AGBL4: variants seen among roughly 807,000 people sequenced by gnomAD.
AGBL4 encodes the protein cytosolic carboxypeptidase 6.
AGBL4 carries 58 observed loss-of-function variants against 66.4 expected under a neutral mutation model. The ratio of observed to expected loss-of-function variants is 0.87; its 90% CI spans 0.71 to 1.09. The LOEUF is 1.09. AGBL4 is among the 50% of genes least tolerant of loss of function. The pLI is 0.00. For synonymous variants in AGBL4, 234 were observed against 222.9 expected, an observed-to-expected ratio of 1.05 and a Z score of -0.44; for missense variants, 579 against 631.0, an observed-to-expected ratio of 0.92 and a Z score of 0.88.
intron 8 of AGBL4, among the ~76,000 whole-genome samples, chr1:48,643,890 C>T (rs1457631488): frequency 6.6e-6 from 1 of 152,140 alleles, no homozygotes; most frequent in Non-Finnish European, 1.5e-5. Context: ...TTCTAGGAGG[C>T]TTCTTGCCTC....
At chr1:49,174,563 A>C (rs774407358) in intron 4 of AGBL4, among the ~76,000 whole-genome samples, 35 of 152,126 alleles carry the variant, frequency 2.3e-4, no homozygotes, top group Non-Finnish European at 2.8e-4. Context: ...TGAAAGAACA[A>C]AATGAAATTG....
Position 48,912,704 on chromosome 1 carries a change from C to G in AGBL4, c.595-45474G>C, listed in dbSNP as rs1406707416. The stretch of plus-strand genomic sequence containing the variant: ...GGCTCTCTCCCCTGTATGTAAGCCC[C>G]TAATGAAACCTCATGTCTTGTTTGC... On this transcript the variant is annotated intron_variant, in intron 5 of 13. Coordinates refer to ENST00000371839, the MANE Select transcript of AGBL4 (RefSeq NM_032785.4). 3.9e-5 allele frequency among the ~76,000 whole-genome samples: 6 copies of G among 152,276 alleles called. No individual in the cohort carries two copies. The East Asian group carries it at 1.2e-3, about 29-fold the overall frequency.
chr1:49,336,930 A>T (rs1301529216), intron 3 of AGBL4, among the ~76,000 whole-genome samples: 1 of 152,198 alleles, frequency 6.6e-6, no homozygotes, highest in African/African-American at 2.4e-5. Flanking sequence ...AGATTCAATA[A>T]CATGTAGAAT....
At position 49,286,476 on chromosome 1, in the gene AGBL4, C is replaced by T. The variant is rs988561384; in HGVS notation, c.283-40612G>A. On this transcript the variant is annotated intron_variant, in intron 3 of 13. Coordinates refer to ENST00000371839, the MANE Select transcript of AGBL4 (RefSeq NM_032785.4). ...ATCTAGAAAACCCCATTGGCTCAGA[C>T]CAAAATCTCCTTAAGCTGATAAGCA... 3.3e-5 allele frequency among the ~76,000 whole-genome samples: 5 copies of T among 152,148 alleles called. No individual in the cohort carries two copies. In the East Asian group the frequency reaches 9.6e-4, roughly 29 times the overall value.
At chr1:48,647,272 GA>G (rs1645853073) in intron 8 of AGBL4, among the ~76,000 whole-genome samples, 1 of 152,142 alleles carries the variant, frequency 6.6e-6, no homozygotes, top group Non-Finnish European at 1.5e-5. Flanking sequence ...ACACTCCCAA[GA>G]AATACTGAGG....
intron 6 of AGBL4, among the ~76,000 whole-genome samples, chr1:48,862,425 C>T (rs1007393981): frequency 6.6e-6 from 1 of 152,152 alleles, no homozygotes; most frequent in Non-Finnish European, 1.5e-5. Context: ...AGGTTCACGC[C>T]ATTCTCCTGC....
At chr1:48,999,997 G>C (rs1661289297) in intron 5 of AGBL4, among the ~76,000 whole-genome samples, 2 of 152,090 alleles carry the variant, frequency 1.3e-5, no homozygotes, top group South Asian at 2.1e-4. Flanking sequence ...TCTTCTTGCT[G>C]TTTGTCTAGG....
At chr1:49,916,748 T>G (rs1651552048) in intron 1 of AGBL4, among the ~76,000 whole-genome samples, 1 of 152,188 alleles carries the variant, frequency 6.6e-6, no homozygotes, top group African/African-American at 2.4e-5. Flanking sequence ...ACAAAGATAC[T>G]CCTTGAGAAG....
rs565841661 is a variant in AGBL4, at chr1:49,103,704, A to T, written c.378-57904T>A. 9.9e-5 allele frequency among the ~76,000 whole-genome samples: 15 copies of T among 152,268 alleles called. No homozygotes were observed. In the South Asian group the frequency reaches 3.1e-3, roughly 32 times the overall value. ...ATAGGTAACTGGTACTTGTGTTACT[A>T]AGAAGATTCTACACAATCCACTTCA... On this transcript the variant is annotated intron_variant, in intron 4 of 13. Transcript: ENST00000371839.
intron 1 of AGBL4, among the ~76,000 whole-genome samples, chr1:49,857,963 A>G (rs1326309884): frequency 6.6e-6 from 1 of 152,134 alleles, no homozygotes; most frequent in East Asian, 1.9e-4. Flanking sequence ...CAAATTATTT[A>G]CCCAAAGGGA....
rs376363287 is a variant in AGBL4, at chr1:49,391,746, G to A, written c.283-145882C>T. On this transcript the variant is annotated intron_variant, in intron 3 of 13. Coordinates refer to ENST00000371839, the MANE Select transcript of AGBL4 (RefSeq NM_032785.4). Reference sequence around the variant, plus strand: ...CCGGCTAATTTTTTGTATTTTTAGTGGAGATGGGGTTTCACTGTGTTAGCC... The same window carrying A: ...CCGGCTAATTTTTTGTATTTTTAGTAGAGATGGGGTTTCACTGTGTTAGCC... Among the ~76,000 whole-genome samples, 51 of 151,772 alleles carry A rather than the reference G, an allele frequency of 3.4e-4. 1 individual carries two copies. In the South Asian group the frequency reaches 9.4e-3, roughly 28 times the overall value.
rs117795842 is a variant in AGBL4, at chr1:49,575,463, T to C, written c.282+121850A>G. 3.1e-4 allele frequency among the ~76,000 whole-genome samples: 47 copies of C among 152,298 alleles called. No homozygotes were observed. The East Asian group carries it at 8.9e-3, about 29-fold the overall frequency. ...AGCTGCCTCTACCTAGAAAAAATAG[T>C]AAATCAGAAACAATATCAATCCCTG... On this transcript the variant is annotated intron_variant, in intron 3 of 13. Coordinates refer to ENST00000371839, the MANE Select transcript of AGBL4 (RefSeq NM_032785.4).
At chr1:48,902,740 T>C (rs1045840369) in intron 5 of AGBL4, among the ~76,000 whole-genome samples, 5 of 152,052 alleles carry the variant, frequency 3.3e-5, no homozygotes, top group African/African-American at 4.8e-5. Context: ...TCTTCCCTAA[T>C]CTTCTCATAT....
chr1:49,949,652 G>A (rs924674853), intron 1 of AGBL4, among the ~76,000 whole-genome samples: 8 of 151,326 alleles, frequency 5.3e-5, no homozygotes, highest in African/African-American at 1.5e-4. Flanking sequence ...ACCTTACAAC[G>A]CGATACCACC....
intron 6 of AGBL4, among the ~76,000 whole-genome samples, chr1:48,865,462 C>T (rs6684886): frequency 0.89 from 134,879 of 151,706 alleles, 60,550 homozygotes; most frequent in Non-Finnish European, 0.96. Context: ...TGTGCCACAA[C>T]ACACCTTTTG....
chr1:49,848,705 C>T (rs1307672327), intron 2 of AGBL4, among the ~76,000 whole-genome samples: 2 of 152,076 alleles, frequency 1.3e-5, no homozygotes, highest in African/African-American at 2.4e-5. Flanking sequence ...TTAGTCGGTA[C>T]AATGTATATT....
chr1:49,467,196 C>A (rs1159609444), intron 3 of AGBL4, among the ~76,000 whole-genome samples: 1 of 151,552 alleles, frequency 6.6e-6, no homozygotes, highest in Non-Finnish European at 1.5e-5. Flanking sequence ...ACAGTGTGAG[C>A]CAGTTAGAAA....
intron 2 of AGBL4, among the ~76,000 whole-genome samples, chr1:49,750,908 C>T (rs372744747): frequency 1.3e-5 from 2 of 151,774 alleles, no homozygotes; most frequent in African/African-American, 2.4e-5. Flanking sequence ...TTTGTGTATA[C>T]AAATGATGCG....
chr1:48,555,189 CT>C (rs11285905), intron 11 of AGBL4, among the ~76,000 whole-genome samples: 90,354 of 148,806 alleles, frequency 0.61, 27,892 homozygotes, highest in Non-Finnish European at 0.7. Context: ...GTAAGATTGT[CT>C]TTTTTTTTTT....
Sources: allele counts gnomAD v4.1 joint callset (sites outside exome capture counted in the v4.1 genomes callset), GRCh38; gene constraint gnomAD v4.1.1; transcripts MANE v1.5; gene names NCBI Gene and HGNC (gene_info 2026-07-23, HGNC 2026-07-21).